Variants in PRRC2B observed in about 807,000 individuals in gnomAD.
PRRC2B encodes the protein protein PRRC2B.
Under a neutral mutation model 242.3 loss-of-function variants are expected in PRRC2B, and 68 were observed. That is an observed-to-expected ratio of 0.28 (90% CI 0.23 to 0.34). The LOEUF is 0.34. Among genes scored for constraint, PRRC2B ranks in the 10% least tolerant of loss-of-function variants. PRRC2B has a pLI of 1.00. For missense variants in PRRC2B, 2,835 were observed against 2,954.8 expected (o/e 0.96, Z 0.94); for synonymous variants, 1,228 against 1,173.6 (o/e 1.05, Z -0.95).
intron 10 of PRRC2B, among the ~76,000 whole-genome samples, chr9:131,458,516 T>C (rs916706071): frequency 3.6e-5 from 5 of 137,822 alleles, no homozygotes; most frequent in African/African-American, 5.3e-5. Context: ...TTTTTTTTTT[T>C]CTGAGACGGA....
intron 28 of PRRC2B, chr9:131,490,769 A>G: frequency 2.7e-6 from 1 of 367,482 alleles, no homozygotes; most frequent in Non-Finnish European, 5.4e-6. Context: ...GATGCAAAAC[A>G]GTAAGAGTCT....
At chr9:131,380,909 G>T (rs1836751691) in intron 1 of PRRC2B, among the ~76,000 whole-genome samples, 1 of 88,082 alleles carries the variant, frequency 1.1e-5, no homozygotes. Flanking sequence ...AGAGTGATTT[G>T]TATATTCTGG....
At chr9:131,439,151 C>T (rs1838473142) in intron 5 of PRRC2B, 90 bp downstream of exon 5, 2 of 1,117,048 alleles carry the variant, frequency 1.8e-6, no homozygotes, top group South Asian at 2.7e-5. Context: ...TCTAGGCACC[C>T]AGAAGCTTTG....
At chr9:131,389,931 T>G (rs975977153), upstream of PRRC2B, among the ~76,000 whole-genome samples, 17 of 142,084 alleles carry the variant, frequency 1.2e-4, 1 homozygote, top group African/African-American at 4.1e-4. Flanking sequence ...TTTTTTGTTT[T>G]TTTTTTTTTT....
At chr9:131,450,609 A>G (rs1942882530) in intron 9 of PRRC2B, among the ~76,000 whole-genome samples, 2 of 148,440 alleles carry the variant, frequency 1.3e-5, no homozygotes, top group Admixed American at 1.4e-4. Flanking sequence ...TTTTTTGGAT[A>G]TGGGGTCTCA....
At chr9:131,469,422 G>A (rs895971037) in intron 13 of PRRC2B, among the ~76,000 whole-genome samples, 26 of 152,188 alleles carry the variant, frequency 1.7e-4, no homozygotes, top group African/African-American at 6.0e-4. Flanking sequence ...GAGACCTAGG[G>A]TGTAGACAGG....
chr9:131,404,216 C>CT (rs34149279), intron 1 of PRRC2B, among the ~76,000 whole-genome samples: 5,948 of 126,990 alleles, frequency 0.047, 189 homozygotes, highest in African/African-American at 0.075. Flanking sequence ...TCCCAGTTGA[C>CT]TTTTTTTTTT....
chr9:131,390,627 C>T (rs1420334419), upstream of PRRC2B, among the ~76,000 whole-genome samples: 2 of 149,378 alleles, frequency 1.3e-5, no homozygotes, highest in Non-Finnish European at 3.0e-5. Flanking sequence ...GGACTATAGG[C>T]GCCCGCCACC....
At position 131,499,163 on chromosome 9, in the gene PRRC2B, C is replaced by T. The variant is rs1355859418; in HGVS notation, c.*3289C>T. The T allele has an allele frequency of 6.6e-6, 1 of 152,200 alleles. No individual in the cohort carries two copies. The highest frequency in any genetic ancestry group is 1.5e-5 in the Non-Finnish European group (1 of 68,042). 9.4% of individuals were successfully genotyped at this position (152,200 alleles called of 1,614,324 possible). Reference sequence around the variant, plus strand: ...GGGGAACCTTGTTAAACGTTGACATCAGTGCTCTCCAGCCGTGCTGTCACC... The same window carrying T: ...GGGGAACCTTGTTAAACGTTGACATTAGTGCTCTCCAGCCGTGCTGTCACC... On this transcript the variant is annotated 3_prime_UTR_variant, in exon 32 of 32. Transcript: ENST00000683519.
chr9:131,421,777 G>A lies in PRRC2B; in HGVS notation c.-51-8317G>A, dbSNP rs148316834. ...AGAATCTGGCTGTTGGTGGCATGGC[G>A]TAAATAAAATGCTTGTTTTTGAAGC... On this transcript the variant is annotated intron_variant, in intron 1 of 31. Transcript: ENST00000683519. 2.1e-3 allele frequency among the ~76,000 whole-genome samples: 315 copies of A among 152,332 alleles called. 10 individuals carry two copies. The East Asian group carries it at 0.044, about 21-fold the overall frequency.
In PRRC2B at chr9:131,494,861, C is replaced by T. The variant is rs1195334499; in HGVS notation, c.6555+375C>T. Among the ~76,000 whole-genome samples the T allele has an allele frequency of 1.3e-5, 2 of 152,124 alleles. No individual in the cohort carries two copies. Among genetic ancestry groups the T allele is most frequent in the Admixed American group, 1.3e-4 (2 of 15,262 alleles). ...GCTGGTTCTAGTCAGTGGTGTGTCT[C>T]ATCTTTGTCTTGGCTGGGTGGGAGC... On this transcript the variant is annotated intron_variant, in intron 31 of 31. Coordinates refer to ENST00000683519, the MANE Select transcript of PRRC2B (RefSeq NM_013318.4). The surrounding 1 kb of genome is among the most constrained non-coding windows in gnomAD (Gnocchi z 4.3).
intron 23 of PRRC2B, among the ~76,000 whole-genome samples, chr9:131,483,944 A>G (rs1274051224): frequency 3.9e-5 from 6 of 152,310 alleles, no homozygotes; most frequent in African/African-American, 1.2e-4. Context: ...CTCTGTCCTC[A>G]CCACCTGCAG....
Position 131,496,067 on chromosome 9 carries a change from C to A in PRRC2B, c.*193C>A. 1.4e-6 allele frequency: 1 copy of A among 697,732 alleles called. No homozygotes were observed. The highest frequency in any genetic ancestry group is 2.3e-6 in the Non-Finnish European group (1 of 433,154). 43.2% of individuals were successfully genotyped at this position (697,732 alleles called of 1,614,324 possible). Reference sequence around the variant, plus strand: ...GCACCCGTGGATATATGGCATTGACCCGCTTGCTTTGATACGAAACAAAAA... The same window carrying A: ...GCACCCGTGGATATATGGCATTGACACGCTTGCTTTGATACGAAACAAAAA... On this transcript the variant is annotated 3_prime_UTR_variant, in exon 32 of 32. Transcript: ENST00000683519.
At chr9:131,406,142 G>C (rs1483045021) in intron 1 of PRRC2B, among the ~76,000 whole-genome samples, 1 of 152,148 alleles carries the variant, frequency 6.6e-6, no homozygotes, top group African/African-American at 2.4e-5. Context: ...CTTGGGGCTT[G>C]TTTGTTACCT....
chr9:131,441,726 G>A (rs1191428767), intron 5 of PRRC2B, among the ~76,000 whole-genome samples: 1 of 152,114 alleles, frequency 6.6e-6, no homozygotes, highest in African/African-American at 2.4e-5. Context: ...TGACTCTTTG[G>A]AATTCAAAAG....
rs375881479 is a variant in PRRC2B at position 131,483,347 on chromosome 9, T to G, written c.5374-12T>G. The G allele has an allele frequency of 1.8e-5, 29 of 1,613,820 alleles. No homozygotes were observed. The highest frequency in any genetic ancestry group is 3.3e-4 in the Middle Eastern group (2 of 6,060). On this transcript the variant is annotated splice_polypyrimidine_tract_variant and intron_variant, in intron 22 of 31. Coordinates refer to ENST00000683519, the MANE Select transcript of PRRC2B (RefSeq NM_013318.4). ...ATCTCAGTGGGCTGTGTGGCCTTTTTTATTTTTTCAGGACTCCGATTTCAG... is the reference window on the plus strand; with the variant it reads ...ATCTCAGTGGGCTGTGTGGCCTTTTGTATTTTTTCAGGACTCCGATTTCAG...
intron 1 of PRRC2B, among the ~76,000 whole-genome samples, chr9:131,377,181 C>T (rs901890598): frequency 4.6e-5 from 7 of 151,872 alleles, no homozygotes; most frequent in Non-Finnish European, 7.4e-5. Context: ...GTGGCGCATT[C>T]GGGGCTCACT....
chr9:131,433,747 G>A (rs886729631), intron 3 of PRRC2B, among the ~76,000 whole-genome samples: 2 of 152,166 alleles, frequency 1.3e-5, no homozygotes, highest in East Asian at 1.9e-4. Context: ...TCAGCCTGCT[G>A]ACCCCAGCAT....
chr9:131,485,011 G>A lies in PRRC2B; in HGVS notation c.5629G>A (p.Gly1877Ser), dbSNP rs368761302. The A allele has an allele frequency of 6.9e-5, 111 of 1,613,210 alleles. 2 individuals carry two copies. In the Middle Eastern group the frequency reaches 8.3e-4, roughly 12 times the overall value. ...PSLPEQSSPGGAGSGIQPPSS... is the reference protein window; with the variant it reads ...PSLPEQSSPGSAGSGIQPPSS... Reference sequence around the variant, plus strand: ...TTTGCCGGAGCAGAGCTCTCCAGGCGGCGCTGGCTCAGGCATCCAGCCTCC... The same window carrying A: ...TTTGCCGGAGCAGAGCTCTCCAGGCAGCGCTGGCTCAGGCATCCAGCCTCC... Residue 1877 changes from glycine to serine, a missense_variant, in exon 25 of 32, where the codon GGC (glycine) becomes AGC (serine). By Grantham distance (56) the Gly-to-Ser change is moderately conservative. Around this residue, in one of 7 missense-constraint regions of PRRC2B, gnomAD observed 574 missense variants for 626.0 expected, o/e 0.92. Coordinates refer to ENST00000683519, the MANE Select transcript of PRRC2B (RefSeq NM_013318.4).
Sources: allele counts gnomAD v4.1 joint callset (sites outside exome capture counted in the v4.1 genomes callset), GRCh38; gene constraint gnomAD v4.1.1; regional missense constraint gnomAD v4.1.1; non-coding constraint Gnocchi (gnomAD v3.1); transcripts MANE v1.5; gene names NCBI Gene and HGNC (gene_info 2026-07-23, HGNC 2026-07-21).